TTC7A: variants seen among roughly 807,000 people sequenced by gnomAD.
The protein encoded by TTC7A is tetratricopeptide repeat domain 7A.
Under a neutral mutation model 103.7 loss-of-function variants are expected in TTC7A, and 110 were observed. The ratio of observed to expected loss-of-function variants is 1.06; its 90% confidence interval spans 0.91 to 1.24. The LOEUF is 1.24. Among genes scored for constraint, TTC7A ranks in the 50% most tolerant of loss-of-function variants. TTC7A has a pLI of 0.00. For synonymous variants in TTC7A, 521 were observed against 467.9 expected, an observed-to-expected ratio of 1.11 and a Z score of -1.47; for missense variants, 1,340 against 1,116.3, an observed-to-expected ratio of 1.20 and a Z score of -2.86.
intron 19 of TTC7A, among the ~76,000 whole-genome samples, chr2:47,072,329 TGTGAGGACA>T (rs922372119): frequency 1.4e-4 from 22 of 152,310 alleles, no homozygotes; most frequent in African/African-American, 4.8e-4. Flanking sequence ...ACAGAGGCGC[TGTGAGGACA>T]GCCTCTTCCT....
intron 2 of TTC7A, among the ~76,000 whole-genome samples, chr2:46,927,886 T>TG (rs1447639096): frequency 2.1e-5 from 2 of 95,100 alleles, no homozygotes; most frequent in Middle Eastern, 4.7e-3. Context: ...TTTTTGGTGT[T>TG]TTTTTTTTTT....
chr2:47,060,826 C>T lies in TTC7A; in HGVS notation c.2210C>T (p.Ala737Val), dbSNP rs150405237. 79 of 1,613,696 alleles carry T rather than the reference C, an allele frequency of 4.9e-5. No individual in the cohort carries two copies. Among genetic ancestry groups the T allele is most frequent in the East Asian group, 6.7e-5 (3 of 44,888 alleles). Reference sequence around the variant, plus strand: ...GAAGCAGGTTTCTGCATCCAGGAGGCGGCGGGCCTCTTCCCCACTTCTCAC... The same window carrying T: ...GAAGCAGGTTTCTGCATCCAGGAGGTGGCGGGCCTCTTCCCCACTTCTCAC... ...LKEAGFCIQE[A>V]AGLFPTSHSV... is the part of the protein sequence containing the mutation. The change falls in exon 19 of 20, where the codon GCG becomes GTG. Residue 737 changes from alanine (A) to valine (V), a missense_variant. By Grantham distance (64) the Ala-to-Val change is moderately conservative. Transcript: ENST00000319190.
chr2:46,993,311 A>G (rs1362767242), intron 5 of TTC7A, 139 bp from the exon 6 acceptor site: 14 of 761,730 alleles, frequency 1.8e-5, no homozygotes, highest in Non-Finnish European at 2.9e-5. Flanking sequence ...TTACAACTCT[A>G]ACTTTTCACT....
chr2:46,956,390 T>G (rs564327959), intron 2 of TTC7A, among the ~76,000 whole-genome samples: 1 of 152,228 alleles, frequency 6.6e-6, no homozygotes, highest in East Asian at 1.9e-4. Context: ...AATTATGATT[T>G]GCATATACAT....
At chr2:46,942,497 A>G (rs981312962) in intron 1 of TTC7A, among the ~76,000 whole-genome samples, 9 of 152,308 alleles carry the variant, frequency 5.9e-5, no homozygotes, top group Admixed American at 5.2e-4. Flanking sequence ...AATAATTTTT[A>G]AAGACTGCTC....
intron 19 of TTC7A, among the ~76,000 whole-genome samples, chr2:47,066,824 G>A (rs913077046): frequency 3.3e-5 from 5 of 152,310 alleles, no homozygotes; most frequent in East Asian, 1.9e-4. Context: ...CAAAAGTGCT[G>A]GGATTACAGG....
chr2:47,033,864 G>A (rs999177542), intron 15 of TTC7A, among the ~76,000 whole-genome samples: 27 of 152,162 alleles, frequency 1.8e-4, no homozygotes, highest in Admixed American at 1.0e-3. Context: ...GCTGGCAGCC[G>A]AGGCTGGGCC....
chr2:46,929,567 A>T (rs1249481180), intron 2 of TTC7A, among the ~76,000 whole-genome samples: 1 of 152,242 alleles, frequency 6.6e-6, no homozygotes, highest in East Asian at 1.9e-4. Flanking sequence ...AAATGTAAAA[A>T]AATTTTTGAA....
At position 47,026,684 on chromosome 2, in the gene TTC7A, T is replaced by C. The variant is rs531233879; in HGVS notation, c.1641+2325T>C. On this transcript the variant is annotated intron_variant, in intron 14 of 19. Coordinates refer to ENST00000319190, the MANE Select transcript of TTC7A (RefSeq NM_020458.4). ...GAAGGTTCTGTCCTATTCCTTAGTT[T>C]TCTGGCTTTGGGGCTTGAAGAGGGA... is the stretch of plus-strand genomic sequence containing the variant. 3.0e-3 allele frequency among the ~76,000 whole-genome samples: 458 copies of C among 152,282 alleles called. 1 individual carries two copies. Among genetic ancestry groups the C allele is most frequent in the African/African-American group, 0.01 (435 of 41,538 alleles).
chr2:47,017,883 G>T (rs4953442), intron 11 of TTC7A, among the ~76,000 whole-genome samples: 81,551 of 151,954 alleles, frequency 0.54, 22,196 homozygotes, highest in East Asian at 0.77. Context: ...CTTAGGCTGA[G>T]ATATTTTTAA....
At chr2:47,042,630 T>C (rs1243100962) in intron 15 of TTC7A, among the ~76,000 whole-genome samples, 2 of 152,232 alleles carry the variant, frequency 1.3e-5, no homozygotes, top group East Asian at 3.8e-4. Flanking sequence ...TGGCATATTC[T>C]GGTCTCAAAC....
chr2:46,930,476 A>G (rs1201945493), intron 2 of TTC7A, among the ~76,000 whole-genome samples: 1 of 150,346 alleles, frequency 6.7e-6, no homozygotes, highest in African/African-American at 2.4e-5. Context: ...CAAAGAAGAA[A>G]TGGAAATTTG....
chr2:47,022,693 A>G (rs13405102), intron 12 of TTC7A, among the ~76,000 whole-genome samples: 62,917 of 151,988 alleles, frequency 0.41, 13,935 homozygotes, highest in East Asian at 0.53. Flanking sequence ...TCACGGTGAC[A>G]TCGGGTATAA....
intron 15 of TTC7A, among the ~76,000 whole-genome samples, chr2:47,038,850 C>G (rs1681441445): frequency 6.6e-6 from 1 of 151,876 alleles, no homozygotes; most frequent in Non-Finnish European, 1.5e-5. Flanking sequence ...TTGGTGAGCC[C>G]TTGTGACTCA....
chr2:46,942,249 G>A (rs1427169213), intron 1 of TTC7A, among the ~76,000 whole-genome samples: 1 of 151,804 alleles, frequency 6.6e-6, no homozygotes, highest in South Asian at 2.1e-4. Flanking sequence ...GCGATCTCGG[G>A]ACACATCCAG....
At chr2:46,967,664 A>G (rs1048773403) in intron 3 of TTC7A, among the ~76,000 whole-genome samples, 7 of 152,110 alleles carry the variant, frequency 4.6e-5, no homozygotes, top group Non-Finnish European at 7.4e-5. Context: ...TCATCTGTCA[A>G]TGGACACTTG....
upstream of TTC7A, chr2:46,916,022 C>T (rs1166128252): frequency 2.0e-6 from 2 of 985,316 alleles, no homozygotes; most frequent in East Asian, 1.1e-4. Context: ...TCCAGTTGGG[C>T]CGCTGGACGC....
chr2:46,937,488 T>A (rs542223229), upstream of TTC7A, among the ~76,000 whole-genome samples: 3 of 152,346 alleles, frequency 2.0e-5, no homozygotes, highest in South Asian at 6.2e-4. The surrounding 1 kb of genome is among the most constrained non-coding windows in gnomAD (Gnocchi z 4.0). Flanking sequence ...CGAATTGTTT[T>A]AGGAACATAT....
At chr2:46,975,218 G>C in intron 4 of TTC7A, 115 bp downstream of exon 4, 1 of 1,364,224 alleles carries the variant, frequency 7.3e-7, no homozygotes, top group Non-Finnish European at 1.0e-6. Flanking sequence ...CACCTTCTCT[G>C]TCCCCCAAAG....
Sources: allele counts gnomAD v4.1 joint callset (sites outside exome capture counted in the v4.1 genomes callset), GRCh38; gene constraint gnomAD v4.1.1; non-coding constraint Gnocchi (gnomAD v3.1); transcripts MANE v1.5; gene names NCBI Gene and HGNC (gene_info 2026-07-23, HGNC 2026-07-21).